CNPPD1: variants seen among roughly 807,000 people sequenced by gnomAD.
CNPPD1 encodes cyclin Pas1/PHO80 domain containing 1.
In CNPPD1, 40 loss-of-function variants were observed where a neutral mutation model predicts 43.7. The ratio of observed to expected loss-of-function variants is 0.92; its 90% CI spans 0.71 to 1.19. The LOEUF is 1.19. Among genes scored for constraint, CNPPD1 ranks in the 50% most tolerant of loss-of-function variants. The pLI is 0.00. For synonymous variants in CNPPD1, 208 were observed against 214.3 expected, an observed-to-expected ratio of 0.97 and a Z score of 0.26; for missense variants, 511 against 518.5, an observed-to-expected ratio of 0.99 and a Z score of 0.14.
Position 219,172,676 on chromosome 2 carries a change from C to T in CNPPD1, c.1143G>A (p.Pro381=), listed in dbSNP as rs769795582. The T allele has an allele frequency of 1.7e-5, 28 of 1,613,944 alleles. No individual in the cohort carries two copies. The highest frequency in any genetic ancestry group is 2.7e-5 in the African/African-American group (2 of 74,914). The part of the protein sequence containing the change: ...YGLAPPWPWS[P]VLLSLPQPQQ... ...GAGGCTGAGGAAGTGAAAGGAGCACCGGGCTCCAAGGCCAGGGGGGAGCCA... is the reference window on the plus strand; with the variant it reads ...GAGGCTGAGGAAGTGAAAGGAGCACTGGGCTCCAAGGCCAGGGGGGAGCCA... The change falls in exon 8 of 8, where the codon CCG becomes CCA. Residue 381 remains proline, a synonymous_variant. Coordinates refer to ENST00000360507, the MANE Select transcript of CNPPD1 (RefSeq NM_015680.6).
rs943627090 is a variant in CNPPD1 at position 219,172,696 on chromosome 2, G to A, written c.1123C>T (p.Pro375Ser). Residue 375 changes from proline (P) to serine (S), a missense_variant, in exon 8 of 8, where the codon CCC becomes TCC. Coordinates refer to ENST00000360507, the MANE Select transcript of CNPPD1 (RefSeq NM_015680.6). ...SPWYHTYGLAPPWPWSPVLLS... is the reference protein window; with the variant it reads ...SPWYHTYGLASPWPWSPVLLS... ...AGCACCGGGCTCCAAGGCCAGGGGG[G>A]AGCCAGGCCATAGGTATGGTACCAG... The A allele has an allele frequency of 1.8e-5, 29 of 1,613,876 alleles. No individual in the cohort carries two copies. Among genetic ancestry groups the A allele is most frequent in the Non-Finnish European group, 2.4e-5 (28 of 1,179,926 alleles).
rs1247025533 is a variant in CNPPD1, at chr2:219,172,169, C to T, written c.*417G>A. The T allele has an allele frequency of 4.2e-6, 1 of 236,132 alleles. No individual in the cohort carries two copies. The highest frequency in any genetic ancestry group is 1.3e-4 in the East Asian group (1 of 7,572). The allele number at this position is 236,132 out of a possible 1,614,324, so 14.6% of individuals were successfully genotyped here. On this transcript the variant is annotated 3_prime_UTR_variant, in exon 8 of 8. Transcript: ENST00000360507. ...GCAGCTCCCACCTGAACCCATCAGT[C>T]CCCGGCTCTTCTGCCTCAGGGACAT...
chr2:219,173,088 G>A lies in CNPPD1; in HGVS notation c.731C>T (p.Ala244Val). The A allele has an allele frequency of 1.2e-6, 2 of 1,604,198 alleles. No individual in the cohort carries two copies. Among genetic ancestry groups the A allele is most frequent in the Admixed American group, 1.7e-5 (1 of 59,486 alleles). Residue 244 changes from alanine (A) to valine (V), a missense_variant, in exon 8 of 8, where the codon GCC becomes GTC. By Grantham distance (64) the Ala-to-Val change is moderately conservative. Coordinates refer to ENST00000360507, the MANE Select transcript of CNPPD1 (RefSeq NM_015680.6). Reference protein sequence around the residue: ...LLAVAYVSSVALAVASVAVIH... With the variant: ...LLAVAYVSSVVLAVASVAVIH... ...TACGGCCACCGATGCCACAGCCAGG[G>A]CCACACTGCTCACATATGCCACAGC...
chr2:219,176,360 G>T, intron 1 of CNPPD1, 29 bp from the exon 2 acceptor site: 1 of 1,495,526 alleles, frequency 6.7e-7, no homozygotes, highest in Non-Finnish European at 9.3e-7. Flanking sequence ...AGCGGAGGGT[G>T]AAGGGCACGG....
At chr2:219,177,103 C>T (rs986421486), upstream of CNPPD1, 1 of 382,294 alleles carries the variant, frequency 2.6e-6, no homozygotes, top group African/African-American at 2.1e-5. Context: ...GCGACGCTCA[C>T]CTCGCGGAGC....
intron 3 of CNPPD1, 57 bp downstream of exon 3, chr2:219,175,534 G>T: frequency 1.5e-6 from 2 of 1,311,592 alleles, no homozygotes; most frequent in Non-Finnish European, 2.2e-6. Context: ...AAGAAAAGAC[G>T]ATTCCCCTTT....
At chr2:219,174,254 A>G in intron 5 of CNPPD1, 47 bp from the exon 6 acceptor site, 1 of 1,581,224 alleles carries the variant, frequency 6.3e-7, no homozygotes, top group Non-Finnish European at 8.7e-7. Context: ...GATGAGCCAC[A>G]GTCATTTAAT....
intron 1 of CNPPD1, 103 bp downstream of exon 1, chr2:219,176,657 G>C: frequency 1.1e-6 from 1 of 925,060 alleles, no homozygotes; most frequent in Non-Finnish European, 1.6e-6. Context: ...TGCTCGAGCA[G>C]CTGCCGCCCA....
chr2:219,174,764 G>A lies in CNPPD1; in HGVS notation c.510+14C>T. 1.9e-6 allele frequency: 3 copies of A among 1,579,172 alleles called. No homozygotes were observed. The highest frequency in any genetic ancestry group is 1.7e-4 in the Middle Eastern group (1 of 5,850). ...GGCCAGGGAAACTGAGCAAGAGAGA[G>A]AACAGCTGCTCACCATGGCACTCAG... On this transcript the variant is annotated intron_variant, in intron 5 of 7. Transcript: ENST00000360507.
chr2:219,175,791 T>C (rs535513290), intron 2 of CNPPD1, 119 bp from the exon 3 acceptor site: 35 of 812,114 alleles, frequency 4.3e-5, no homozygotes, highest in Non-Finnish European at 6.2e-5. Context: ...GACAGGACCA[T>C]AGTAACAAAA....
chr2:219,176,711 C>T (rs6436124), intron 1 of CNPPD1, 49 bp downstream of exon 1: 1 of 1,371,754 alleles, frequency 7.3e-7, no homozygotes, highest in Admixed American at 2.0e-5. Flanking sequence ...CCGCTCAGGC[C>T]GGGAGGGGCG....
upstream of CNPPD1, among the ~76,000 whole-genome samples, chr2:219,177,547 G>A (rs1018129251): frequency 1.3e-5 from 2 of 151,672 alleles, no homozygotes; most frequent in African/African-American, 4.9e-5. Context: ...GAAACTCAGG[G>A]TGTTTTTTTT....
chr2:219,175,218 T>C (rs1393830037), intron 3 of CNPPD1, 110 bp from the exon 4 acceptor site: 1 of 1,380,190 alleles, frequency 7.2e-7, no homozygotes, highest in Non-Finnish European at 9.6e-7. Flanking sequence ...AAACTATTCC[T>C]GGCTGGGCAC....
At chr2:219,176,704 C>T in intron 1 of CNPPD1, 56 bp downstream of exon 1, 1 of 1,353,892 alleles carries the variant, frequency 7.4e-7, no homozygotes, top group South Asian at 1.3e-5. Context: ...CGCAGCGCCG[C>T]TCAGGCCGGG....
At chr2:219,173,895 C>G (rs1431576991) in intron 6 of CNPPD1, among the ~76,000 whole-genome samples, 1 of 152,144 alleles carries the variant, frequency 6.6e-6, no homozygotes, top group African/African-American at 2.4e-5. Context: ...TCCAGCCTCA[C>G]CCTCCCAGAG....
At position 219,175,465 on chromosome 2, in the gene CNPPD1, C is replaced by G. The variant is rs879088091; in HGVS notation, c.260+126G>C. On this transcript the variant is annotated intron_variant, in intron 3 of 7. Transcript: ENST00000360507. ...TGAGCCGAGATTGTGCCACTGCACT[C>G]CAGCCTGGGTGACAAAGTGAGACTG... 3.4e-5 allele frequency: 32 copies of G among 950,592 alleles called. No individual in the cohort carries two copies. The South Asian group carries it at 4.4e-4, about 13-fold the overall frequency. 58.9% of individuals were successfully genotyped at this position (950,592 alleles called of 1,614,324 possible).
intron 3 of CNPPD1, 111 bp downstream of exon 3, chr2:219,175,478 CAA>C: frequency 1.0e-6 from 1 of 992,330 alleles, no homozygotes; most frequent in Non-Finnish European, 1.5e-6. Flanking sequence ...GCCTGGGTGA[CAA>C]AGTGAGACTG....
intron 1 of CNPPD1, 54 bp downstream of exon 1, chr2:219,176,706 C>G (rs971564048): frequency 1.4e-6 from 2 of 1,381,710 alleles, no homozygotes; most frequent in Non-Finnish European, 2.0e-6. Context: ...CAGCGCCGCT[C>G]AGGCCGGGAG....
intron 6 of CNPPD1, 94 bp from the exon 7 acceptor site, chr2:219,173,561 G>A: frequency 1.9e-6 from 2 of 1,060,150 alleles, no homozygotes; most frequent in Non-Finnish European, 2.8e-6. Flanking sequence ...AGGAAACACT[G>A]GGAAGCCTGT....
Sources: allele counts gnomAD v4.1 joint callset (sites outside exome capture counted in the v4.1 genomes callset), GRCh38; gene constraint gnomAD v4.1.1; transcripts MANE v1.5; gene names NCBI Gene and HGNC (gene_info 2026-07-23, HGNC 2026-07-21).